Variants in MSRA observed in about 807,000 individuals in gnomAD.
MSRA encodes the protein mitochondrial peptide methionine sulfoxide reductase.
In MSRA, 54 loss-of-function variants were observed where a neutral mutation model predicts 31.3. The observed-to-expected ratio is 1.73, with a 90% CI of 1.39 to 2.17. The LOEUF (loss-of-function observed/expected upper bound fraction) is 2.17, where lower values mean the gene tolerates loss of function less well. MSRA is among the 30% of genes most tolerant of loss of function. The pLI is 0.00. For synonymous variants in MSRA, 169 were observed against 116.5 expected (o/e 1.45, Z -2.90); for missense variants, 507 against 300.9 (o/e 1.69, Z -5.07).
chr8:10,257,494 C>G (rs948651486), intron 3 of MSRA, among the ~76,000 whole-genome samples: 3 of 152,162 alleles, frequency 2.0e-5, no homozygotes, highest in African/African-American at 7.2e-5. Flanking sequence ...GCAACCCCCG[C>G]CTCCCTGGCT....
chr8:10,054,636 GA>G lies in MSRA; in HGVS notation c.122del (p.Lys41ArgfsTer6). On this transcript the variant is annotated frameshift_variant, in exon 1 of 6. Coordinates refer to ENST00000317173, the MANE Select transcript of MSRA (RefSeq NM_012331.5). LOFTEE classifies it high-confidence loss of function. The stretch of plus-strand genomic sequence containing the variant: ...GCCCCCAGGAGGCCTTGCCGGGCCG[GA>G]AGGAACAGACCCCTGTAGCGGGTAA... Reference protein sequence around the residue: ...VSPQEALPGRKEQTPVAAKHH... With the variant: ...VSPQEALPGRXEQTPVAAKHH... 6.3e-7 allele frequency: 1 copy of G among 1,575,754 alleles called. No homozygotes were observed.
intron 1 of MSRA, among the ~76,000 whole-genome samples, chr8:10,086,824 GGAGAGGCGAA>G (rs371645934): frequency 4.1e-4 from 62 of 151,636 alleles, no homozygotes; most frequent in African/African-American, 1.5e-3. Context: ...GGAAAGGAGA[GGAGAGGCGAA>G]GAGAGGTGGG....
chr8:10,293,417 G>A (rs1201979280), intron 3 of MSRA, among the ~76,000 whole-genome samples: 3 of 152,204 alleles, frequency 2.0e-5, no homozygotes, highest in Admixed American at 6.5e-5. Flanking sequence ...CTCCGTGTGC[G>A]TCTGACGTCC....
chr8:10,354,280 G>C lies in MSRA; in HGVS notation c.543+34291G>C, dbSNP rs189424012. ...CCATTAGTTGAATTACAATGCATCTGCTACAGCCTGGATCTCTAAATTGAT... is the reference window on the plus strand; with the variant it reads ...CCATTAGTTGAATTACAATGCATCTCCTACAGCCTGGATCTCTAAATTGAT... On this transcript the variant is annotated intron_variant, in intron 5 of 5. Coordinates refer to ENST00000317173, the MANE Select transcript of MSRA (RefSeq NM_012331.5). Among the ~76,000 whole-genome samples the C allele has an allele frequency of 4.4e-4, 67 of 152,296 alleles. 1 individual carries two copies. The highest frequency in any genetic ancestry group is 3.4e-3 in the Middle Eastern group (1 of 292).
At chr8:10,102,584 T>A (rs781762613) in intron 1 of MSRA, among the ~76,000 whole-genome samples, 14 of 152,250 alleles carry the variant, frequency 9.2e-5, no homozygotes, top group Non-Finnish European at 1.8e-4. Context: ...ATCTGTGCCA[T>A]CTCAATGTTG....
intron 3 of MSRA, among the ~76,000 whole-genome samples, chr8:10,283,868 C>CACACACAT (rs1479551088): frequency 6.1e-5 from 8 of 132,062 alleles, no homozygotes; most frequent in African/African-American, 2.2e-4. Flanking sequence ...CACACACACA[C>CACACACAT]ATATATATTA....
chr8:10,370,506 T>C (rs758079083), intron 5 of MSRA, among the ~76,000 whole-genome samples: 2 of 152,224 alleles, frequency 1.3e-5, no homozygotes, highest in African/African-American at 2.4e-5. Context: ...AATGTAATGT[T>C]GGTTGTCATT....
intron 1 of MSRA, among the ~76,000 whole-genome samples, chr8:10,147,949 A>T (rs560150350): frequency 1.3e-5 from 2 of 152,160 alleles, no homozygotes; most frequent in Non-Finnish European, 2.9e-5. Context: ...CTTTAGAGGG[A>T]CCGGAAAGGG....
chr8:10,133,063 A>C (rs757195075), intron 1 of MSRA, among the ~76,000 whole-genome samples: 22 of 152,106 alleles, frequency 1.4e-4, no homozygotes, highest in Non-Finnish European at 2.2e-4. Flanking sequence ...CAGCCATCCA[A>C]CTCTTAGGGA....
chr8:10,180,480 G>C (rs1331052807), intron 1 of MSRA, among the ~76,000 whole-genome samples: 1 of 152,188 alleles, frequency 6.6e-6, no homozygotes, highest in Non-Finnish European at 1.5e-5. Flanking sequence ...CCTCCTCAGA[G>C]GTTGGAGAGT....
In MSRA at chr8:10,054,450, GT is replaced by G; in HGVS notation, c.-65del. ...CCGGCCGCGGACCCCACTCTCTGCC[GT>G]TCCGGCTGCGGCTCCGCTGCCGGTA... On this transcript the variant is annotated 5_prime_UTR_variant, in exon 1 of 6. Transcript: ENST00000317173. The G allele has an allele frequency of 7.5e-7, 1 of 1,333,406 alleles. No individual in the cohort carries two copies. Among genetic ancestry groups the G allele is most frequent in the Non-Finnish European group, 9.9e-7 (1 of 1,013,660 alleles). 82.6% of individuals were successfully genotyped at this position (1,333,406 alleles called of 1,614,324 possible). A position where few individuals can be genotyped will look rare whatever the true frequency, so the allele number is the denominator to read the frequency against.
intron 5 of MSRA, among the ~76,000 whole-genome samples, chr8:10,386,652 C>A (rs1211979979): frequency 6.6e-6 from 1 of 151,998 alleles, no homozygotes; most frequent in Admixed American, 6.6e-5. Context: ...GACTGCGGTC[C>A]CAAAATAGGC....
chr8:10,389,232 C>T (rs141409438), intron 5 of MSRA, among the ~76,000 whole-genome samples: 2 of 152,250 alleles, frequency 1.3e-5, no homozygotes, highest in African/African-American at 4.8e-5. Flanking sequence ...TCCTGGGTGA[C>T]TTGAAATAAG....
intron 2 of MSRA, among the ~76,000 whole-genome samples, chr8:10,213,695 C>T (rs1809727037): frequency 6.6e-6 from 1 of 151,642 alleles, no homozygotes; most frequent in South Asian, 2.1e-4. Context: ...CTCGGCCTCC[C>T]CAGGTACCAC....
chr8:10,271,870 T>C (rs1387227797), intron 3 of MSRA, among the ~76,000 whole-genome samples: 4 of 152,120 alleles, frequency 2.6e-5, no homozygotes, highest in African/African-American at 9.6e-5. Context: ...AGGCACGTGC[T>C]ACCACGCCCA....
intron 1 of MSRA, among the ~76,000 whole-genome samples, chr8:10,162,401 C>A (rs1585065458): frequency 6.6e-6 from 1 of 152,254 alleles, no homozygotes; most frequent in South Asian, 2.1e-4. Flanking sequence ...CTCACCAGAA[C>A]CTGACTGCTA....
chr8:10,112,489 A>G (rs538132544), intron 1 of MSRA, among the ~76,000 whole-genome samples: 5 of 152,346 alleles, frequency 3.3e-5, no homozygotes, highest in Admixed American at 6.5e-5. Context: ...TGTTTTGGAA[A>G]TTGTAGCTAA....
At chr8:10,255,833 C>G (rs117405877) in intron 3 of MSRA, among the ~76,000 whole-genome samples, 512 of 151,710 alleles carry the variant, frequency 3.4e-3, no homozygotes, top group Non-Finnish European at 5.7e-3. Flanking sequence ...ATTTTTTCAT[C>G]TAATAAACTG....
At chr8:10,058,145 A>C (rs1338498050) in intron 1 of MSRA, among the ~76,000 whole-genome samples, 3 of 152,202 alleles carry the variant, frequency 2.0e-5, no homozygotes, top group Admixed American at 1.3e-4. Flanking sequence ...TTGGGCACTA[A>C]CATGTTAAAA....
Sources: gnomAD v4.1 joint callset for allele counts (sites outside exome capture counted in the v4.1 genomes callset) on GRCh38, gnomAD v4.1.1 for gene constraint, MANE v1.5 for transcripts, NCBI Gene and HGNC (gene_info 2026-07-23, HGNC 2026-07-21) for gene names.